The following IKZF3 variants were observed in gnomAD, a reference collection of about 807,000 sequenced individuals.
The protein encoded by IKZF3 is IKAROS family zinc finger 3.
Under a neutral mutation model 49.0 loss-of-function variants are expected in IKZF3, and 10 were observed. That is an observed-to-expected ratio of 0.20 (90% CI 0.13 to 0.35). The LOEUF (loss-of-function observed/expected upper bound fraction) is 0.35. IKZF3 is among the 10% of genes least tolerant of loss of function. IKZF3 has a pLI of 1.00. For missense variants in IKZF3, 498 were observed against 664.8 expected (o/e 0.75, Z 2.76); for synonymous variants, 209 against 228.2 (o/e 0.92, Z 0.76).
chr17:39,863,905 T>A (rs181849193), intron 1 of IKZF3, among the ~76,000 whole-genome samples: 2 of 152,182 alleles, frequency 1.3e-5, no homozygotes, highest in Admixed American at 1.3e-4. Flanking sequence ...GAAATAAAAT[T>A]GCGAAGAAGT....
At chr17:39,797,217 C>T (rs2143943359) in intron 3 of IKZF3, among the ~76,000 whole-genome samples, 1 of 151,868 alleles carries the variant, frequency 6.6e-6, no homozygotes, top group East Asian at 1.9e-4. Flanking sequence ...TCTACAGCCT[C>T]AAAAAGGACT....
chr17:39,773,946 AT>A (rs11319242), intron 7 of IKZF3, among the ~76,000 whole-genome samples: 145,188 of 151,126 alleles, frequency 0.96, 69,970 homozygotes, highest in East Asian at 1. Flanking sequence ...ACGTGTGTCC[AT>A]TTTTTTTTTT....
chr17:39,827,154 C>T (rs892794763), intron 3 of IKZF3, among the ~76,000 whole-genome samples: 3 of 152,166 alleles, frequency 2.0e-5, no homozygotes, highest in Admixed American at 6.5e-5. Flanking sequence ...AGTACCGCCA[C>T]ACCTGGCTAA....
intron 5 of IKZF3, among the ~76,000 whole-genome samples, chr17:39,788,793 T>C (rs558536584): frequency 6.6e-6 from 1 of 152,310 alleles, no homozygotes; most frequent in African/African-American, 2.4e-5. Context: ...ATTGCTGTAG[T>C]TTGTGGGAGT....
chr17:39,808,963 C>T (rs2061493374), intron 3 of IKZF3, among the ~76,000 whole-genome samples: 1 of 152,158 alleles, frequency 6.6e-6, no homozygotes. Flanking sequence ...TTCCTATTTT[C>T]TCAAGGGCTG....
At chr17:39,811,315 GAAGGAAA>G in intron 3 of IKZF3, among the ~76,000 whole-genome samples, 1 of 140,468 alleles carries the variant, frequency 7.1e-6, no homozygotes, top group Admixed American at 7.0e-5. Context: ...GAGAAAGAGA[GAAGGAAA>G]GAAAGAAAGA....
At chr17:39,799,212 G>A (rs769833557) in intron 3 of IKZF3, among the ~76,000 whole-genome samples, 3 of 152,012 alleles carry the variant, frequency 2.0e-5, no homozygotes, top group African/African-American at 4.8e-5. Context: ...CCACTGCCTC[G>A]AGTTAGATGC....
intron 1 of IKZF3, among the ~76,000 whole-genome samples, chr17:39,838,138 T>C (rs2144368711): frequency 6.6e-6 from 1 of 152,362 alleles, no homozygotes; most frequent in Non-Finnish European, 1.5e-5. Context: ...CTTAAATCTG[T>C]ACAGTTACGT....
chr17:39,853,831 T>C (rs2062955597), intron 1 of IKZF3, among the ~76,000 whole-genome samples: 1 of 141,014 alleles, frequency 7.1e-6, no homozygotes, highest in African/African-American at 2.7e-5. Context: ...CGAAACTCCG[T>C]CTAAAAAAAA....
chr17:39,796,405 C>A (rs1295129710), intron 3 of IKZF3, among the ~76,000 whole-genome samples: 2 of 152,172 alleles, frequency 1.3e-5, no homozygotes, highest in Admixed American at 6.5e-5. Context: ...ATTTCTACAT[C>A]AAGTCAGTCT....
chr17:39,759,142 G>A lies in IKZF3; in HGVS notation c.*6648C>T, dbSNP rs949129983. On this transcript the variant is annotated 3_prime_UTR_variant, in exon 8 of 8. Coordinates refer to ENST00000346872, the MANE Select transcript of IKZF3 (RefSeq NM_012481.5). ...TATTAAGAAGAAACTCAGGCCAGCC[G>A]CGGTGCCTCACGCCTGTAACCCCAA... is the stretch of plus-strand genomic sequence containing the variant. 1.3e-5 allele frequency: 2 copies of A among 152,108 alleles called. No individual in the cohort carries two copies. The highest frequency in any genetic ancestry group is 2.9e-5 in the Non-Finnish European group (2 of 68,048). The allele number at this position is 152,108 out of a possible 1,614,324, so 9.4% of individuals were successfully genotyped here. A position where few individuals can be genotyped will look rare whatever the true frequency, so the allele number is the denominator to read the frequency against.
chr17:39,835,972 T>G (rs916313534), intron 1 of IKZF3: 25 of 636,776 alleles, frequency 3.9e-5, no homozygotes, highest in Admixed American at 2.2e-4. Context: ...CACGGAGGTT[T>G]GTTGATGTAG....
chr17:39,789,689 C>T (rs961990819), intron 5 of IKZF3, among the ~76,000 whole-genome samples: 10 of 151,488 alleles, frequency 6.6e-5, no homozygotes, highest in Non-Finnish European at 2.9e-5. Flanking sequence ...GATGGCGCCG[C>T]TGTACTCCAG....
At chr17:39,805,522 C>A (rs1307443270) in intron 3 of IKZF3, among the ~76,000 whole-genome samples, 1 of 152,146 alleles carries the variant, frequency 6.6e-6, no homozygotes, top group Non-Finnish European at 1.5e-5. Flanking sequence ...TAAAAATTAA[C>A]ATTTACCATC....
chr17:39,856,658 T>G (rs144003871), intron 1 of IKZF3, among the ~76,000 whole-genome samples: 4,944 of 151,824 alleles, frequency 0.033, 271 homozygotes, highest in African/African-American at 0.11. Context: ...ATACAAAAAT[T>G]AGCCGGGCGT....
At chr17:39,775,204 G>GAA (rs780519229) in intron 7 of IKZF3, among the ~76,000 whole-genome samples, 1 of 136,584 alleles carries the variant, frequency 7.3e-6, no homozygotes, top group African/African-American at 2.7e-5. Context: ...CACAACTTAC[G>GAA]AAAAAAAAAA....
chr17:39,845,878 C>T (rs930038198), intron 1 of IKZF3, among the ~76,000 whole-genome samples: 1 of 152,154 alleles, frequency 6.6e-6, no homozygotes, highest in East Asian at 1.9e-4. Flanking sequence ...ATTAATGCGA[C>T]TTTTCAGAGG....
chr17:39,836,243 C>G (rs1264401585), intron 1 of IKZF3, among the ~76,000 whole-genome samples: 1 of 152,182 alleles, frequency 6.6e-6, no homozygotes, highest in African/African-American at 2.4e-5. Context: ...GCCATAGCCT[C>G]CACCCAGACC....
intron 1 of IKZF3, among the ~76,000 whole-genome samples, chr17:39,861,385 CAG>C (rs1461966940): frequency 1.3e-5 from 2 of 152,088 alleles, no homozygotes; most frequent in Non-Finnish European, 2.9e-5. Context: ...GATGCCTGAG[CAG>C]AGTCTTGAAA....
Sources: gnomAD v4.1 joint callset for allele counts (sites outside exome capture counted in the v4.1 genomes callset) on GRCh38, gnomAD v4.1.1 for gene constraint, MANE v1.5 for transcripts, NCBI Gene and HGNC (gene_info 2026-07-23, HGNC 2026-07-21) for gene names.